LPCAT1: variants seen among roughly 807,000 people sequenced by gnomAD.
The protein encoded by LPCAT1 is lysophosphatidylcholine acyltransferase 1, also known as 1-acylglycerol-3-phosphate O-acyltransferase.
In LPCAT1, 23 loss-of-function variants were observed where a neutral mutation model predicts 60.9. The observed-to-expected ratio is 0.38, with a 90% CI of 0.27 to 0.53. The LOEUF (loss-of-function observed/expected upper bound fraction) is 0.53. LPCAT1 is among the 20% of genes least tolerant of loss of function. The probability of loss-of-function intolerance (pLI) is 0.82; values close to 1 mark genes in which losing one functional copy is unlikely to be tolerated. For missense variants in LPCAT1, 622 were observed against 723.6 expected (o/e 0.86, Z 1.61); for synonymous variants, 340 against 301.1 (o/e 1.13, Z -1.34).
chr5:1,471,900 T>G, intron 11 of LPCAT1, among the ~76,000 whole-genome samples: 1 of 125,264 alleles, frequency 8.0e-6, no homozygotes, highest in East Asian at 2.4e-4. Context: ...CAAGAGAAGA[T>G]GAGGAGCACC....
At chr5:1,466,329 C>T (rs972182925) in intron 13 of LPCAT1, among the ~76,000 whole-genome samples, 2 of 152,162 alleles carry the variant, frequency 1.3e-5, no homozygotes, top group Non-Finnish European at 2.9e-5. Flanking sequence ...GGGTCTGCAG[C>T]GCCCGCCTCC....
In LPCAT1 at chr5:1,489,821, C is replaced by G; in HGVS notation, c.531G>C (p.Arg177=). 2 of 1,614,104 alleles carry G rather than the reference C, an allele frequency of 1.2e-6. No individual in the cohort carries two copies. Among genetic ancestry groups the G allele is most frequent in the East Asian group, 4.5e-5 (2 of 44,890 alleles). Residue 177 remains arginine, a synonymous_variant, in exon 4 of 14, where the codon CGG becomes CGC. Coordinates refer to ENST00000283415, the MANE Select transcript of LPCAT1 (RefSeq NM_024830.5). ...TTTTCCTGCGAGAATCCTGGTCTGA[C>G]CGGGACACGAACACAGGCCGTATAT... ...IQYIRPVFVS[R]SDQDSRRKTV... is the part of the protein sequence containing the mutation.
intron 1 of LPCAT1, among the ~76,000 whole-genome samples, chr5:1,507,501 T>C (rs1044269142): frequency 5.3e-5 from 8 of 152,248 alleles, no homozygotes; most frequent in Admixed American, 3.9e-4. Flanking sequence ...GGCCGCTAAA[T>C]ACCACTTCCC....
chr5:1,464,707 AAG>A (rs1397976133), intron 13 of LPCAT1, among the ~76,000 whole-genome samples: 20 of 145,364 alleles, frequency 1.4e-4, no homozygotes, highest in Admixed American at 9.5e-4. Flanking sequence ...CACACACACA[AAG>A]AGCACACACG....
rs1293995906 is a variant in LPCAT1 at position 1,479,748 on chromosome 5, GGTGAAACCTCC to G, written c.762-84_762-74del. The G allele has an allele frequency of 1.6e-5, 19 of 1,189,890 alleles. No individual in the cohort carries two copies. In the African/African-American group the frequency reaches 2.9e-4, roughly 18 times the overall value. 73.7% of individuals were successfully genotyped at this position (1,189,890 alleles called of 1,614,324 possible). A position where few individuals can be genotyped will look rare whatever the true frequency, so the allele number is the denominator to read the frequency against. On this transcript the variant is annotated intron_variant, in intron 7 of 13. Transcript: ENST00000283415. ...ACAAGTAAATTACTCCCAATTCTGGGGTGAAACCTCCAGACGCGCCCTCCAGAGGGCGCTAC... is the reference window on the plus strand; with the variant it reads ...ACAAGTAAATTACTCCCAATTCTGGGAGACGCGCCCTCCAGAGGGCGCTAC...
intron 5 of LPCAT1, among the ~76,000 whole-genome samples, chr5:1,484,895 C>T (rs1401613197): frequency 2.0e-5 from 3 of 152,192 alleles, no homozygotes; most frequent in Admixed American, 6.5e-5. Flanking sequence ...GCAGTTCACC[C>T]AGCACTTCTG....
At chr5:1,520,863 A>G (rs1736651671) in intron 1 of LPCAT1, among the ~76,000 whole-genome samples, 1 of 23,262 alleles carries the variant, frequency 4.3e-5, no homozygotes, top group Non-Finnish European at 1.1e-4. Flanking sequence ...ACTGTCTCAA[A>G]AAAAAAAAAA....
rs373569270 is a variant in LPCAT1, at chr5:1,502,242, C to T, written c.136-639G>A. 1.4e-4 allele frequency among the ~76,000 whole-genome samples: 22 copies of T among 152,040 alleles called. No homozygotes were observed. Among genetic ancestry groups the T allele is most frequent in the South Asian group, 4.2e-4 (2 of 4,818 alleles). ...CCCCAGGCAGCTCCACCCCGCAGGA[C>T]GCACCCCCAGGCAGCTCCGCCCCCC... On this transcript the variant is annotated intron_variant, in intron 1 of 13. Transcript: ENST00000283415. The surrounding 1 kb of genome is among the most constrained non-coding windows in gnomAD (Gnocchi z 5.5).
In LPCAT1 at chr5:1,477,684, G is replaced by C. The variant is rs543911875; in HGVS notation, c.817-198C>G. The stretch of plus-strand genomic sequence containing the variant: ...GCATGAACTGCACACGTGTGCACCT[G>C]AACACTCACCCTCATTGGTGCTCCC... On this transcript the variant is annotated intron_variant, in intron 8 of 13. Transcript: ENST00000283415. The surrounding 1 kb of genome is among the most constrained non-coding windows in gnomAD (Gnocchi z 6.0). 2.2e-4 allele frequency among the ~76,000 whole-genome samples: 33 copies of C among 152,164 alleles called. No individual in the cohort carries two copies. Among genetic ancestry groups the C allele is most frequent in the Non-Finnish European group, 4.1e-4 (28 of 68,022 alleles).
chr5:1,469,660 C>G (rs1734588069), intron 12 of LPCAT1, among the ~76,000 whole-genome samples: 2 of 152,156 alleles, frequency 1.3e-5, no homozygotes, highest in Admixed American at 1.3e-4. Flanking sequence ...GCCTGTAATC[C>G]CAGCTACTTG....
At chr5:1,515,693 G>C (rs1171387890) in intron 1 of LPCAT1, among the ~76,000 whole-genome samples, 1 of 152,042 alleles carries the variant, frequency 6.6e-6, no homozygotes, top group Non-Finnish European at 1.5e-5. Context: ...GGAGCCCCTG[G>C]CCTGCCCTGT....
intron 3 of LPCAT1, among the ~76,000 whole-genome samples, chr5:1,491,446 A>G (rs1226139029): frequency 6.8e-6 from 1 of 146,786 alleles, no homozygotes; most frequent in Non-Finnish European, 1.5e-5. Context: ...GGCAAAGAAC[A>G]GAACAGTGAC....
Position 1,483,774 on chromosome 5 carries a change from TATTATAAC to T in LPCAT1, c.668-296_668-289del, listed in dbSNP as rs1345169478. The stretch of plus-strand genomic sequence containing the variant: ...AAGGCGTCTGTGGAGGGACACTTGC[TATTATAAC>T]ATTGCGCACGAGCTGGAAGACATCC... On this transcript the variant is annotated intron_variant, in intron 5 of 13. Transcript: ENST00000283415. This position sits in a 1 kb window ranked among gnomAD's most constrained non-coding sequence, Gnocchi z 9.2. 9.8e-4 allele frequency among the ~76,000 whole-genome samples: 147 copies of T among 150,630 alleles called. No homozygotes were observed. The highest frequency in any genetic ancestry group is 3.2e-3 in the African/African-American group (133 of 40,974).
intron 2 of LPCAT1, 27 bp from the exon 3 acceptor site, chr5:1,494,941 G>C: frequency 6.4e-7 from 1 of 1,562,572 alleles, no homozygotes; most frequent in Non-Finnish European, 8.7e-7. Flanking sequence ...TGCGTCACGC[G>C]GGCACACGTC....
chr5:1,508,887 C>T (rs1270113862), intron 1 of LPCAT1, among the ~76,000 whole-genome samples: 2 of 152,246 alleles, frequency 1.3e-5, no homozygotes, highest in Non-Finnish European at 2.9e-5. Context: ...CCGTAAGCAG[C>T]CCCAGGCCCC....
chr5:1,489,112 C>T (rs1204277644), intron 4 of LPCAT1, among the ~76,000 whole-genome samples: 1 of 152,228 alleles, frequency 6.6e-6, no homozygotes, highest in Non-Finnish European at 1.5e-5. Context: ...CAGGGCCAGG[C>T]AGGCCAAATG....
intron 4 of LPCAT1, among the ~76,000 whole-genome samples, chr5:1,489,215 G>A (rs1735479744): frequency 1.3e-5 from 2 of 152,226 alleles, no homozygotes; most frequent in African/African-American, 2.4e-5. Context: ...GCCAGACCCT[G>A]CAAAGCTTCG....
Position 1,466,876 on chromosome 5 carries a change from T to C in LPCAT1, c.1293A>G (p.Gln431=). ...CACCTTCGCCGACGCTGCCGTCCTC[T>C]TGCGCTCCGTACATCTGCAAGGCAA... ...IQLAFKMYGA[Q]EDGSVGEGDL... Residue 431 remains glutamine (Q), a synonymous_variant, in exon 13 of 14, where the codon CAA becomes CAG. Transcript: ENST00000283415. The C allele has an allele frequency of 6.2e-7, 1 of 1,602,996 alleles. No individual in the cohort carries two copies. Among genetic ancestry groups the C allele is most frequent in the South Asian group, 1.1e-5 (1 of 89,852 alleles).
chr5:1,511,067 G>C (rs888810608), intron 1 of LPCAT1, among the ~76,000 whole-genome samples: 1 of 152,330 alleles, frequency 6.6e-6, no homozygotes, highest in South Asian at 2.1e-4. Context: ...CTGGCTCTGA[G>C]AAAACCCTGG....
Sources: gnomAD v4.1 joint callset for allele counts (sites outside exome capture counted in the v4.1 genomes callset) on GRCh38, gnomAD v4.1.1 for gene constraint, Gnocchi (gnomAD v3.1) non-coding constraint, MANE v1.5 for transcripts, NCBI Gene and HGNC (gene_info 2026-07-23, HGNC 2026-07-21) for gene names.